Variants in MAP4K3 observed in about 807,000 individuals in gnomAD.
MAP4K3 encodes the protein MAPK/ERK kinase kinase kinase 3.
MAP4K3 carries 94 observed loss-of-function variants against 143.5 expected under a neutral mutation model. The observed-to-expected ratio is 0.65, with a 90% CI of 0.55 to 0.78. MAP4K3 has a LOEUF of 0.78. Ranked by LOEUF, MAP4K3 falls within the 30% of genes least tolerant of loss-of-function variation. MAP4K3 has a pLI of 0.00. For synonymous variants in MAP4K3, 416 were observed against 347.2 expected, an observed-to-expected ratio of 1.20 and a Z score of -2.20; for missense variants, 1,077 against 1,068.1, an observed-to-expected ratio of 1.01 and a Z score of -0.12.
Position 39,290,295 on chromosome 2 carries a change from T to C in MAP4K3, c.1311A>G (p.Pro437=), listed in dbSNP as rs1681985526. 1 of 1,606,766 alleles carries C rather than the reference T, an allele frequency of 6.2e-7. No individual in the cohort carries two copies. The highest frequency in any genetic ancestry group is 1.3e-5 in the African/African-American group (1 of 74,524). The change falls in exon 19 of 34, where the codon CCA becomes CCG. Residue 437 remains proline, a synonymous_variant. Coordinates refer to ENST00000263881, the MANE Select transcript of MAP4K3 (RefSeq NM_003618.4). ...ATTGAAAAATAAATCTGTCTACCTT[T>C]GGTGGCAAAGGAGGTGGAATTTTTG... The part of the protein sequence containing the change: ...LKAKIPPPLP[P]KPKSIFIPQE...
intron 1 of MAP4K3, among the ~76,000 whole-genome samples, chr2:39,402,440 TAA>T (rs1166157183): frequency 6.6e-6 from 1 of 152,048 alleles, no homozygotes; most frequent in African/African-American, 2.4e-5. Context: ...AAAGCTACAT[TAA>T]GACATATCAT....
chr2:39,292,389 G>T (rs1312838225), intron 18 of MAP4K3, among the ~76,000 whole-genome samples: 3 of 152,124 alleles, frequency 2.0e-5, no homozygotes, highest in African/African-American at 4.8e-5. Context: ...CCTATGGATT[G>T]GTGATCTTAC....
chr2:39,318,894 G>A (rs7579414), intron 12 of MAP4K3, among the ~76,000 whole-genome samples: 135,176 of 152,144 alleles, frequency 0.89, 60,271 homozygotes, highest in Non-Finnish European at 0.92. Flanking sequence ...GACATAGACA[G>A]TATGATAAAT....
chr2:39,328,524 G>A (rs1246238419), intron 8 of MAP4K3, among the ~76,000 whole-genome samples: 1 of 151,986 alleles, frequency 6.6e-6, no homozygotes, highest in East Asian at 1.9e-4. Context: ...CACAAATATA[G>A]AGACAGAAAT....
intron 24 of MAP4K3, among the ~76,000 whole-genome samples, chr2:39,275,354 C>T (rs1338591435): frequency 1.3e-5 from 2 of 152,138 alleles, no homozygotes; most frequent in Non-Finnish European, 2.9e-5. Context: ...GGCATTGTGG[C>T]ATGTGGCTGT....
At chr2:39,337,465 C>A in intron 5 of MAP4K3, 61 bp downstream of exon 5, 1 of 1,232,834 alleles carries the variant, frequency 8.1e-7, no homozygotes, top group African/African-American at 1.5e-5. Flanking sequence ...ACAGGTAATG[C>A]ACAGTAAGTA....
chr2:39,374,767 T>A (rs1042771491), intron 2 of MAP4K3, among the ~76,000 whole-genome samples: 3 of 152,168 alleles, frequency 2.0e-5, no homozygotes, highest in African/African-American at 7.2e-5. Flanking sequence ...GTCAGACACC[T>A]TGGAGTAACT....
chr2:39,324,175 G>A (rs941184379), intron 12 of MAP4K3, among the ~76,000 whole-genome samples: 43 of 152,278 alleles, frequency 2.8e-4, no homozygotes, highest in African/African-American at 9.9e-4. Flanking sequence ...TTGGGAGGCC[G>A]AGGCAGGCAG....
Position 39,301,713 on chromosome 2 carries a change from G to A in MAP4K3, c.1120-1912C>T, listed in dbSNP as rs149777599. Among the ~76,000 whole-genome samples, 445 of 151,866 alleles carry A rather than the reference G, an allele frequency of 2.9e-3. 1 individual carries two copies. Among genetic ancestry groups the A allele is most frequent in the East Asian group, 7.4e-3 (38 of 5,166 alleles). On this transcript the variant is annotated intron_variant, in intron 15 of 33. Transcript: ENST00000263881. ...AAAATAAAGGATATAGGCCGGGCGC[G>A]GTAATAATGATTAAAAATAAAGGAA...
intron 26 of MAP4K3, among the ~76,000 whole-genome samples, chr2:39,267,682 A>C (rs960735897): frequency 2.9e-3 from 12 of 4,176 alleles, no homozygotes; most frequent in Non-Finnish European, 0.014. Context: ...CGGTCTCCAA[A>C]AAAAAAAAAA....
intron 1 of MAP4K3, among the ~76,000 whole-genome samples, chr2:39,418,370 T>G (rs1667451131): frequency 6.6e-6 from 1 of 152,142 alleles, no homozygotes; most frequent in African/African-American, 2.4e-5. Context: ...CATACTAATA[T>G]AAAATAACTG....
chr2:39,272,148 T>G (rs929607376), intron 26 of MAP4K3, 135 bp downstream of exon 26: 2 of 602,744 alleles, frequency 3.3e-6, no homozygotes, highest in Non-Finnish European at 5.7e-6. Flanking sequence ...TAAGCACTTG[T>G]TAATGTATAT....
chr2:39,385,185 G>C lies in MAP4K3; in HGVS notation c.97-7062C>G, dbSNP rs538398902. Among the ~76,000 whole-genome samples, 102 of 152,132 alleles carry C rather than the reference G, an allele frequency of 6.7e-4. 1 individual carries two copies. Among genetic ancestry groups the C allele is most frequent in the African/African-American group, 2.3e-3 (95 of 41,474 alleles). Reference sequence around the variant, plus strand: ...AGCTGCTATAAACATTTGTATACAGGGTAGATAAATACCCAGGAGTGTGAC... The same window carrying C: ...AGCTGCTATAAACATTTGTATACAGCGTAGATAAATACCCAGGAGTGTGAC... On this transcript the variant is annotated intron_variant, in intron 1 of 33. Coordinates refer to ENST00000263881, the MANE Select transcript of MAP4K3 (RefSeq NM_003618.4).
chr2:39,256,119 T>A (rs1390183707), intron 31 of MAP4K3, among the ~76,000 whole-genome samples: 1 of 152,238 alleles, frequency 6.6e-6, no homozygotes, highest in Non-Finnish European at 1.5e-5. Context: ...ATTAAGTTTT[T>A]CACTGATTAT....
At position 39,255,816 on chromosome 2, in the gene MAP4K3, G is replaced by A. The variant is rs560930166; in HGVS notation, c.2471-1296C>T. Among the ~76,000 whole-genome samples, 68 of 152,232 alleles carry A rather than the reference G, an allele frequency of 4.5e-4. No homozygotes were observed. In the South Asian group the frequency reaches 0.011, roughly 24 times the overall value. On this transcript the variant is annotated intron_variant, in intron 31 of 33. Coordinates refer to ENST00000263881, the MANE Select transcript of MAP4K3 (RefSeq NM_003618.4). ...GTTGGGATTACAGGCATGAGCCGCC[G>A]CGCCTGGCCATTCCATATGAATTTT... is the stretch of plus-strand genomic sequence containing the variant.
chr2:39,284,497 G>A (rs1029917797), intron 21 of MAP4K3, among the ~76,000 whole-genome samples: 1 of 151,552 alleles, frequency 6.6e-6, no homozygotes, highest in South Asian at 2.1e-4. Flanking sequence ...AGCTCTGAGT[G>A]TTATAACTCT....
intron 1 of MAP4K3, among the ~76,000 whole-genome samples, chr2:39,390,772 TA>T (rs5830564): frequency 0.9 from 134,745 of 149,208 alleles, 61,196 homozygotes; most frequent in East Asian, 0.95. Flanking sequence ...ACATAAAAAT[TA>T]AAAAAAAAAA....
chr2:39,292,841 T>C lies in MAP4K3; in HGVS notation c.1218-15A>G. ...CGACGTGTCCTCTAAATAAAAAGGA[T>C]AATGTCATTGTTATTAAATGGATTT... On this transcript the variant is annotated splice_polypyrimidine_tract_variant and intron_variant, in intron 17 of 33. Coordinates refer to ENST00000263881, the MANE Select transcript of MAP4K3 (RefSeq NM_003618.4). 6.2e-7 allele frequency: 1 copy of C among 1,602,716 alleles called. No individual in the cohort carries two copies. The highest frequency in any genetic ancestry group is 8.5e-7 in the Non-Finnish European group (1 of 1,170,456).
At chr2:39,295,165 G>A (rs1052394830) in intron 16 of MAP4K3, among the ~76,000 whole-genome samples, 7 of 151,820 alleles carry the variant, frequency 4.6e-5, no homozygotes, top group African/African-American at 1.7e-4. Context: ...GCAGTGCACT[G>A]ACATATATAA....
Sources: gnomAD v4.1 joint callset for allele counts (sites outside exome capture counted in the v4.1 genomes callset) on GRCh38, gnomAD v4.1.1 for gene constraint, MANE v1.5 for transcripts, NCBI Gene and HGNC (gene_info 2026-07-23, HGNC 2026-07-21) for gene names.